Variants in INTS6 observed in about 807,000 individuals in gnomAD.
The protein encoded by INTS6 is integrator complex subunit 6, also known as DEAD box protein.
Under a neutral mutation model 104.9 loss-of-function variants are expected in INTS6, and 16 were observed. The observed-to-expected ratio is 0.15, with a 90% CI of 0.10 to 0.23. INTS6 has a LOEUF of 0.23. Among genes scored for constraint, INTS6 ranks in the 10% least tolerant of loss-of-function variants. The probability of loss-of-function intolerance (pLI) is 1.00; values close to 1 mark genes in which losing one functional copy is unlikely to be tolerated. For synonymous variants in INTS6, 324 were observed against 358.7 expected (o/e 0.90, Z 1.09); for missense variants, 584 against 1,062.8 (o/e 0.55, Z 6.26).
intron 4 of INTS6, 131 bp from the exon 5 acceptor site, chr13:51,395,614 G>T: frequency 2.6e-6 from 2 of 766,924 alleles, no homozygotes; most frequent in Non-Finnish European, 2.0e-6. Flanking sequence ...AAATATAAAA[G>T]CTTACTTGTT....
intron 3 of INTS6, chr13:51,436,571 T>A (rs1276206199): frequency 6.6e-6 from 1 of 152,154 alleles, no homozygotes; most frequent in East Asian, 1.9e-4. Flanking sequence ...AACTCCATCC[T>A]GGAATTTGAT....
downstream of INTS6, chr13:51,361,544 G>A (rs1158983019): frequency 3.4e-6 from 2 of 592,466 alleles, no homozygotes; most frequent in Admixed American, 3.2e-5. Context: ...CGGGGAAGAA[G>A]AGATATCCAT....
chr13:51,422,300 A>G (rs1270295860), intron 4 of INTS6, among the ~76,000 whole-genome samples: 1 of 152,182 alleles, frequency 6.6e-6, no homozygotes, highest in African/African-American at 2.4e-5. Context: ...CTAAACCAGT[A>G]TATTTTTACT....
intron 12 of INTS6, among the ~76,000 whole-genome samples, chr13:51,376,697 A>C (rs528942095): frequency 2.3e-4 from 35 of 152,268 alleles, no homozygotes; most frequent in Middle Eastern, 3.4e-3. Context: ...CCATTTTATA[A>C]ATGGAATTTT....
At chr13:51,366,701 A>G (rs1007441810) in intron 17 of INTS6, among the ~76,000 whole-genome samples, 3 of 152,056 alleles carry the variant, frequency 2.0e-5, no homozygotes, top group Admixed American at 1.3e-4. Flanking sequence ...ATGAAAAGTT[A>G]TAGCCTTATC....
At chr13:51,395,504 C>T (rs764060899) in intron 4 of INTS6, 21 bp from the exon 5 acceptor site, 10 of 1,597,044 alleles carry the variant, frequency 6.3e-6, no homozygotes, top group Non-Finnish European at 8.5e-6. Flanking sequence ...GGGGGAAAAA[C>T]AGTAATAAGA....
chr13:51,418,631 G>A (rs998172318), intron 4 of INTS6, among the ~76,000 whole-genome samples: 15 of 152,032 alleles, frequency 9.9e-5, no homozygotes, highest in South Asian at 2.1e-4. Context: ...GTATCCTTAG[G>A]AATATCCAAT....
downstream of INTS6, among the ~76,000 whole-genome samples, chr13:51,358,448 C>T (rs1380402630): frequency 6.6e-6 from 1 of 152,110 alleles, no homozygotes. Context: ...TGTCCACCAA[C>T]AAAGCACTGA....
Position 51,451,007 on chromosome 13 carries a change from C to T in INTS6, c.339+18G>A, listed in dbSNP as rs756588145. The T allele has an allele frequency of 2.0e-6, 3 of 1,482,632 alleles. No homozygotes were observed. The highest frequency in any genetic ancestry group is 1.4e-5 in the African/African-American group (1 of 70,506). 91.8% of individuals were successfully genotyped at this position (1,482,632 alleles called of 1,614,324 possible). A position where few individuals can be genotyped will look rare whatever the true frequency, so the allele number is the denominator to read the frequency against. ...AAATGAAAAATCAACTATTTTGCCA[C>T]CTTATTATTCAACCTACCTGCCCAT... is the stretch of plus-strand genomic sequence containing the variant. On this transcript the variant is annotated intron_variant, in intron 3 of 17. Coordinates refer to ENST00000311234, the MANE Select transcript of INTS6 (RefSeq NM_012141.3).
At chr13:51,350,605 T>C (rs1421611223), downstream of INTS6, among the ~76,000 whole-genome samples, 1 of 152,200 alleles carries the variant, frequency 6.6e-6, no homozygotes, top group Non-Finnish European at 1.5e-5. Flanking sequence ...GTGTGGTTTA[T>C]GCTTTTCTAG....
intron 3 of INTS6, chr13:51,438,185 G>A (rs1043171045): frequency 1.3e-5 from 2 of 152,088 alleles, no homozygotes; most frequent in Admixed American, 1.3e-4. Context: ...ACATGTACAG[G>A]AGTAAAAGTT....
At chr13:51,422,208 C>T (rs1956907419) in intron 4 of INTS6, among the ~76,000 whole-genome samples, 1 of 152,090 alleles carries the variant, frequency 6.6e-6, no homozygotes, top group South Asian at 2.1e-4. Flanking sequence ...CCTTTCTCCT[C>T]CTTTATTTTT....
rs1957047330 is a variant in INTS6, at chr13:51,429,601, TAA to T, written c.429+691_429+692del. On this transcript the variant is annotated intron_variant, in intron 4 of 17. Coordinates refer to ENST00000311234, the MANE Select transcript of INTS6 (RefSeq NM_012141.3). ...CAACATGGCAAGACACCATCTCTAC[TAA>T]AATTACAAAAATTAGCCAGACATGG... Among the ~76,000 whole-genome samples the T allele has an allele frequency of 2.0e-5, 3 of 151,308 alleles. No homozygotes were observed. In the East Asian group the frequency reaches 5.9e-4, roughly 30 times the overall value.
At chr13:51,338,810 G>A in the INTS6 span, among the ~76,000 whole-genome samples, 2 of 152,128 alleles carry the variant, frequency 1.3e-5, no homozygotes, top group Non-Finnish European at 2.9e-5. Context: ...TGATTACAGG[G>A]GTAGTTGTCA....
intron 4 of INTS6, among the ~76,000 whole-genome samples, chr13:51,411,553 A>G (rs149533880): frequency 0.014 from 1,709 of 123,232 alleles, 26 homozygotes; most frequent in East Asian, 0.076. Context: ...ACTCCATCTC[A>G]AAAAAAAAAA....
At chr13:51,442,900 A>G (rs931363327) in intron 3 of INTS6, 3 of 152,212 alleles carry the variant, frequency 2.0e-5, no homozygotes, top group Non-Finnish European at 4.4e-5. Context: ...TCTGCCAAAC[A>G]AAGGGAGGAA....
At chr13:51,430,132 T>A (rs1034825646) in intron 4 of INTS6, 162 bp downstream of exon 4, 2 of 560,364 alleles carry the variant, frequency 3.6e-6, no homozygotes, top group Non-Finnish European at 6.3e-6. Flanking sequence ...TTCAAGAAAA[T>A]AAGAACACTG....
At chr13:51,361,503 C>T (rs1280563016), downstream of INTS6, 6 of 640,054 alleles carry the variant, frequency 9.4e-6, no homozygotes, top group East Asian at 2.8e-5. Context: ...AAAAGGAACA[C>T]TAAAGAAAAC....
the INTS6 span, chr13:51,344,507 CA>C: frequency 6.5e-7 from 1 of 1,531,384 alleles, no homozygotes; most frequent in Non-Finnish European, 8.9e-7. Flanking sequence ...CTGTACATTT[CA>C]ACAAGGCTAA....
Sources: gnomAD v4.1 joint callset for allele counts (sites outside exome capture counted in the v4.1 genomes callset) on GRCh38, gnomAD v4.1.1 for gene constraint, MANE v1.5 for transcripts, NCBI Gene and HGNC (gene_info 2026-07-23, HGNC 2026-07-21) for gene names.